Variants in RANBP3L observed in about 807,000 individuals in gnomAD.
RANBP3L encodes the protein RAN binding protein 3 like.
Under a neutral mutation model 67.2 loss-of-function variants are expected in RANBP3L, and 56 were observed. That is an observed-to-expected ratio of 0.83 (90% CI 0.67 to 1.04). The LOEUF is 1.04. Among genes scored for constraint, RANBP3L ranks in the 50% least tolerant of loss-of-function variants. RANBP3L has a pLI of 0.00. For missense variants in RANBP3L, 496 were observed against 535.5 expected (o/e 0.93, Z 0.73); for synonymous variants, 164 against 181.4 (o/e 0.90, Z 0.77).
intron 12 of RANBP3L, among the ~76,000 whole-genome samples, chr5:36,252,865 CTT>C (rs1405102801): frequency 1.3e-5 from 2 of 152,024 alleles, no homozygotes; most frequent in African/African-American, 4.8e-5. Flanking sequence ...AGCTAATAAA[CTT>C]TGGTTTTTCA....
At chr5:36,259,476 G>C (rs1749218354) in intron 8 of RANBP3L, among the ~76,000 whole-genome samples, 1 of 151,756 alleles carries the variant, frequency 6.6e-6, no homozygotes, top group African/African-American at 2.4e-5. Context: ...CCACCTACTC[G>C]GGAGGCTGAA....
intron 1 of RANBP3L, among the ~76,000 whole-genome samples, chr5:36,289,673 C>T (rs1361037011): frequency 1.3e-5 from 2 of 152,018 alleles, no homozygotes; most frequent in African/African-American, 4.8e-5. Context: ...TTTTTAATTT[C>T]CACTTGTTGT....
At chr5:36,286,067 A>G (rs1751304514) in intron 1 of RANBP3L, among the ~76,000 whole-genome samples, 1 of 152,182 alleles carries the variant, frequency 6.6e-6, no homozygotes, top group South Asian at 2.1e-4. Context: ...TGTCTGAGCA[A>G]ACCTTAAGGA....
chr5:36,283,646 C>T (rs1292849509), intron 1 of RANBP3L, among the ~76,000 whole-genome samples: 1 of 151,868 alleles, frequency 6.6e-6, no homozygotes, highest in Non-Finnish European at 1.5e-5. Flanking sequence ...CAAAATAATC[C>T]ATTTTCAGCA....
chr5:36,281,264 T>C lies in RANBP3L; in HGVS notation c.92-9953A>G, dbSNP rs377025116. On this transcript the variant is annotated intron_variant, in intron 1 of 13. Coordinates refer to ENST00000296604, the MANE Select transcript of RANBP3L (RefSeq NM_145000.5). The stretch of plus-strand genomic sequence containing the variant: ...GTTGTAACGATTCAGCAAGGTCATG[T>C]ATGTAAAACACTCAGCACAGTGCCT... 2.6e-5 allele frequency among the ~76,000 whole-genome samples: 4 copies of C among 152,312 alleles called. No individual in the cohort carries two copies. In the East Asian group the frequency reaches 5.8e-4, roughly 22 times the overall value.
In RANBP3L at chr5:36,269,436, C is replaced by A. The variant is rs771463436; in HGVS notation, c.222G>T (p.Arg74=). 10 of 1,579,974 alleles carry A rather than the reference C, an allele frequency of 6.3e-6. No individual in the cohort carries two copies. Among genetic ancestry groups the A allele is most frequent in the Admixed American group, 1.7e-5 (1 of 59,950 alleles). Residue 74 remains arginine (R), a synonymous_variant, in exon 4 of 14, where the codon CGG becomes CGT. Coordinates refer to ENST00000296604, the MANE Select transcript of RANBP3L (RefSeq NM_145000.5). ...TAATATGAAAAGTAAAAGATGAAGA[C>A]CGTACACGCTTTGTTGGAAAACCAT... ...ECNGFPTKRV[R]SSSFTFHITD... is the part of the protein sequence containing the mutation.
intron 1 of RANBP3L, among the ~76,000 whole-genome samples, chr5:36,279,523 G>A (rs1205042796): frequency 6.6e-6 from 1 of 152,090 alleles, no homozygotes; most frequent in Non-Finnish European, 1.5e-5. Context: ...GGCCTCTGGG[G>A]AAAAGAGAGG....
chr5:36,249,804 A>C, intron 13 of RANBP3L, 107 bp from the exon 14 acceptor site: 1 of 455,796 alleles, frequency 2.2e-6, no homozygotes, highest in Non-Finnish European at 3.8e-6. Context: ...CTCATTGGTG[A>C]TGAAATAAAA....
intron 1 of RANBP3L, among the ~76,000 whole-genome samples, chr5:36,295,260 C>T (rs1328915070): frequency 2.0e-5 from 3 of 151,934 alleles, no homozygotes; most frequent in African/African-American, 7.3e-5. Context: ...TCCCATAATC[C>T]CCACATGTCA....
At chr5:36,271,333 G>A (rs1390409344) in intron 1 of RANBP3L, 22 bp from the exon 2 acceptor site, 1 of 1,491,220 alleles carries the variant, frequency 6.7e-7, no homozygotes, top group Non-Finnish European at 9.3e-7. Flanking sequence ...AAGAAAACAG[G>A]CAAGAAATCA....
At chr5:36,298,757 G>A (rs187803733) in intron 1 of RANBP3L, among the ~76,000 whole-genome samples, 1 of 152,342 alleles carries the variant, frequency 6.6e-6, no homozygotes, top group Admixed American at 6.5e-5. Flanking sequence ...CAGATATTTT[G>A]AGACTTGGGT....
At chr5:36,268,165 G>C (rs558986781) in intron 4 of RANBP3L, 1 of 1,421,042 alleles carries the variant, frequency 7.0e-7, no homozygotes, top group Non-Finnish European at 9.5e-7. Flanking sequence ...TCAGTGTCAG[G>C]CTTGAGGTTC....
At position 36,290,507 on chromosome 5, in the gene RANBP3L, G is replaced by A. The variant is rs115371475; in HGVS notation, c.91+10819C>T. 3.8e-3 allele frequency among the ~76,000 whole-genome samples: 584 copies of A among 151,858 alleles called. 4 individuals carry two copies. Among genetic ancestry groups the A allele is most frequent in the African/African-American group, 0.014 (564 of 41,410 alleles). On this transcript the variant is annotated intron_variant, in intron 1 of 13. Transcript: ENST00000296604. The stretch of plus-strand genomic sequence containing the variant: ...GCTGAGATTACAGGTGTGAGCCACC[G>A]CACCCGGCCATATCTCTTTTTATTG...
At chr5:36,270,516 G>A (rs1242158032) in intron 2 of RANBP3L, among the ~76,000 whole-genome samples, 2 of 152,006 alleles carry the variant, frequency 1.3e-5, no homozygotes, top group African/African-American at 2.4e-5. Flanking sequence ...TAGAGATGAG[G>A]TCTTTTTCTG....
At chr5:36,285,781 A>G (rs772756804) in intron 1 of RANBP3L, among the ~76,000 whole-genome samples, 1 of 152,158 alleles carries the variant, frequency 6.6e-6, no homozygotes, top group South Asian at 2.1e-4. Context: ...TTCTCAATCA[A>G]TATCCGAGCC....
chr5:36,299,714 A>C (rs926375768), intron 1 of RANBP3L, among the ~76,000 whole-genome samples: 5 of 152,152 alleles, frequency 3.3e-5, no homozygotes, highest in Non-Finnish European at 5.9e-5. Context: ...TTAGAAATAA[A>C]TAATATATCT....
chr5:36,296,352 C>A lies in RANBP3L; in HGVS notation c.91+4974G>T, dbSNP rs114990550. Among the ~76,000 whole-genome samples the A allele has an allele frequency of 7.8e-3, 1,186 of 152,236 alleles. 16 individuals are homozygous for A. Among genetic ancestry groups the A allele is most frequent in the African/African-American group, 0.027 (1,104 of 41,550 alleles). Reference sequence around the variant, plus strand: ...TAAGTCCTTCATTTGTGGGTCTTCACTAATTCTGGGTAGTGTCAGAATTGA... The same window carrying A: ...TAAGTCCTTCATTTGTGGGTCTTCAATAATTCTGGGTAGTGTCAGAATTGA... On this transcript the variant is annotated intron_variant, in intron 1 of 13. Transcript: ENST00000296604.
chr5:36,298,315 A>T (rs1376196821), intron 1 of RANBP3L, among the ~76,000 whole-genome samples: 2 of 151,782 alleles, frequency 1.3e-5, no homozygotes, highest in African/African-American at 2.4e-5. Flanking sequence ...AAAAAAAAAA[A>T]AGGAAAAGAA....
chr5:36,291,572 C>T (rs1404313684), intron 1 of RANBP3L, among the ~76,000 whole-genome samples: 1 of 151,980 alleles, frequency 6.6e-6, no homozygotes, highest in African/African-American at 2.4e-5. Context: ...ACAACAGTCC[C>T]CAGAGTGTGA....
Sources: allele counts gnomAD v4.1 joint callset (sites outside exome capture counted in the v4.1 genomes callset), GRCh38; gene constraint gnomAD v4.1.1; transcripts MANE v1.5; gene names NCBI Gene and HGNC (gene_info 2026-07-23, HGNC 2026-07-21).